Variants in SNX9 observed in about 807,000 individuals in gnomAD.
SNX9 encodes the protein sorting nexin 9, also known as sorting nexin-9.
In SNX9, 44 loss-of-function variants were observed where a neutral mutation model predicts 89.4. That is an observed-to-expected ratio of 0.49 (90% CI 0.39 to 0.63). SNX9 has a LOEUF of 0.63. SNX9 is among the 30% of genes least tolerant of loss of function. SNX9 has a pLI of 0.00. For synonymous variants in SNX9, 236 were observed against 247.8 expected, an observed-to-expected ratio of 0.95 and a Z score of 0.45; for missense variants, 578 against 736.1, an observed-to-expected ratio of 0.79 and a Z score of 2.49.
At chr6:157,876,223 G>T (rs190946203) in intron 4 of SNX9, among the ~76,000 whole-genome samples, 2 of 152,062 alleles carry the variant, frequency 1.3e-5, no homozygotes, top group Admixed American at 6.5e-5. Flanking sequence ...AGGCCGAGGC[G>T]GGCGGATCAC....
chr6:157,925,870 C>T (rs1313804545), intron 10 of SNX9, among the ~76,000 whole-genome samples: 1 of 151,048 alleles, frequency 6.6e-6, no homozygotes, highest in Non-Finnish European at 1.5e-5. Context: ...TTATTTCTCA[C>T]AGTTACGGAG....
chr6:157,927,664 A>T (rs1305069792), intron 11 of SNX9, among the ~76,000 whole-genome samples: 2 of 144,442 alleles, frequency 1.4e-5, no homozygotes, highest in African/African-American at 5.1e-5. Flanking sequence ...ACTTTGGAGT[A>T]GTTCCTTTTC....
chr6:157,826,554 T>G (rs1201027841), intron 1 of SNX9, among the ~76,000 whole-genome samples: 1 of 149,054 alleles, frequency 6.7e-6, no homozygotes, highest in East Asian at 1.9e-4. Context: ...TTTAAGGGGA[T>G]TATCTATTTT....
In SNX9 at chr6:157,867,818, G is replaced by C. The variant is rs545921881; in HGVS notation, c.99+185G>C. ...TCCTGTTGCTTATGAAATATTGATGGTGAAGTAAGAAGCTGTTATATAAAT... is the reference window on the plus strand; with the variant it reads ...TCCTGTTGCTTATGAAATATTGATGCTGAAGTAAGAAGCTGTTATATAAAT... On this transcript the variant is annotated intron_variant, in intron 2 of 17. Coordinates refer to ENST00000392185, the MANE Select transcript of SNX9 (RefSeq NM_016224.5). Among the ~76,000 whole-genome samples the C allele has an allele frequency of 3.9e-5, 6 of 152,252 alleles. 1 individual carries two copies. The South Asian group carries it at 1.2e-3, about 32-fold the overall frequency.
chr6:157,930,617 G>A (rs2115206853), intron 12 of SNX9, among the ~76,000 whole-genome samples: 1 of 152,248 alleles, frequency 6.6e-6, no homozygotes. Flanking sequence ...ATAGAAATTT[G>A]CACCCTATTA....
intron 16 of SNX9, among the ~76,000 whole-genome samples, chr6:157,940,191 CG>C (rs1390670606): frequency 6.6e-6 from 1 of 152,118 alleles, no homozygotes; most frequent in Non-Finnish European, 1.5e-5. Context: ...CAGGAGGGAG[CG>C]GGGCAGGGAC....
chr6:157,932,809 C>G (rs1333488938), intron 13 of SNX9, among the ~76,000 whole-genome samples: 1 of 138,310 alleles, frequency 7.2e-6, no homozygotes, highest in African/African-American at 2.8e-5. Context: ...AGAGGTTGCA[C>G]TGAGCCATGA....
intron 10 of SNX9, among the ~76,000 whole-genome samples, chr6:157,922,088 G>A (rs897660479): frequency 2.0e-5 from 3 of 152,184 alleles, no homozygotes; most frequent in Non-Finnish European, 4.4e-5. Flanking sequence ...GACATGAGCC[G>A]CTCTTCTCAG....
chr6:157,833,255 A>G (rs1781509664), intron 1 of SNX9, among the ~76,000 whole-genome samples: 1 of 152,202 alleles, frequency 6.6e-6, no homozygotes, highest in Non-Finnish European at 1.5e-5. Flanking sequence ...GATTTTAAGT[A>G]ATGAATATTT....
Position 157,921,511 on chromosome 6 carries a change from T to C in SNX9, c.950-20T>C, listed in dbSNP as rs753796453. On this transcript the variant is annotated intron_variant, in intron 9 of 17. Coordinates refer to ENST00000392185, the MANE Select transcript of SNX9 (RefSeq NM_016224.5). ...CATTTTAGACAAAGTTGTATGTCATTCTTGGTGTGTCGCTTGCAGGCCGCT... is the reference window on the plus strand; with the variant it reads ...CATTTTAGACAAAGTTGTATGTCATCCTTGGTGTGTCGCTTGCAGGCCGCT... 6.2e-6 allele frequency: 10 copies of C among 1,609,990 alleles called. No individual in the cohort carries two copies. The highest frequency in any genetic ancestry group is 8.5e-6 in the Non-Finnish European group (10 of 1,177,680).
chr6:157,893,484 G>T (rs530080540), intron 4 of SNX9, among the ~76,000 whole-genome samples: 6 of 151,764 alleles, frequency 4.0e-5, no homozygotes, highest in Non-Finnish European at 8.8e-5. Flanking sequence ...CCCATGTGTC[G>T]GTTGGTGAAG....
intron 1 of SNX9, among the ~76,000 whole-genome samples, chr6:157,866,801 A>C: frequency 6.6e-6 from 1 of 152,144 alleles, no homozygotes; most frequent in South Asian, 2.1e-4. Flanking sequence ...AGATGTGTGA[A>C]TCTTAGATGT....
At chr6:157,830,545 G>A (rs1009468513) in intron 1 of SNX9, 6 of 152,222 alleles carry the variant, frequency 3.9e-5, no homozygotes, top group Admixed American at 2.6e-4. Flanking sequence ...GGGTTTCCTG[G>A]GTATCTTGGA....
At chr6:157,939,150 A>G (rs1445790120) in intron 16 of SNX9, among the ~76,000 whole-genome samples, 1 of 152,038 alleles carries the variant, frequency 6.6e-6, no homozygotes, top group Non-Finnish European at 1.5e-5. Flanking sequence ...TCAAGAAAAA[A>G]AAAAGATGAA....
At chr6:157,878,733 A>G (rs1216039627) in intron 4 of SNX9, among the ~76,000 whole-genome samples, 2 of 152,202 alleles carry the variant, frequency 1.3e-5, no homozygotes, top group East Asian at 3.8e-4. Flanking sequence ...GACTGACAGC[A>G]CAAAGTCTAG....
At chr6:157,922,315 C>T (rs1426428936) in intron 10 of SNX9, among the ~76,000 whole-genome samples, 1 of 152,210 alleles carries the variant, frequency 6.6e-6, no homozygotes, top group Non-Finnish European at 1.5e-5. Flanking sequence ...ATTTTATTCT[C>T]TAAAGATGTT....
chr6:157,917,235 G>C (rs1392972168), intron 9 of SNX9, among the ~76,000 whole-genome samples: 1 of 151,576 alleles, frequency 6.6e-6, no homozygotes, highest in African/African-American at 2.4e-5. Flanking sequence ...TTCTGATTTT[G>C]ATCATTGTCA....
Position 157,898,378 on chromosome 6 carries a change from C to T in SNX9, c.472+1380C>T, listed in dbSNP as rs140617803. Among the ~76,000 whole-genome samples the T allele has an allele frequency of 2.6e-3, 399 of 152,314 alleles. 1 individual carries two copies. Among genetic ancestry groups the T allele is most frequent in the African/African-American group, 9.2e-3 (382 of 41,558 alleles). ...GAAGGCTGAGGGCCCCTGCTGTCGCCCGTGGATCACTGCATTTGCAGGGAA... is the reference window on the plus strand; with the variant it reads ...GAAGGCTGAGGGCCCCTGCTGTCGCTCGTGGATCACTGCATTTGCAGGGAA... On this transcript the variant is annotated intron_variant, in intron 5 of 17. Coordinates refer to ENST00000392185, the MANE Select transcript of SNX9 (RefSeq NM_016224.5).
rs111412240 is a variant in SNX9, at chr6:157,839,415, A to C, written c.12+15969A>C. Among the ~76,000 whole-genome samples, 574 of 152,302 alleles carry C rather than the reference A, an allele frequency of 3.8e-3. 4 individuals are homozygous for C. The highest frequency in any genetic ancestry group is 0.013 in the African/African-American group (549 of 41,560). ...CTGATTATGAAGCATATGTATTTTCATGTAATGGTGATATAGCATAGAGAT... is the reference window on the plus strand; with the variant it reads ...CTGATTATGAAGCATATGTATTTTCCTGTAATGGTGATATAGCATAGAGAT... On this transcript the variant is annotated intron_variant, in intron 1 of 17. Transcript: ENST00000392185.
Sources: allele counts gnomAD v4.1 joint callset (sites outside exome capture counted in the v4.1 genomes callset), GRCh38; gene constraint gnomAD v4.1.1; transcripts MANE v1.5; gene names NCBI Gene and HGNC (gene_info 2026-07-23, HGNC 2026-07-21).